NELL1: variants seen among roughly 807,000 people sequenced by gnomAD.
The protein encoded by NELL1 is protein kinase C-binding protein NELL1.
Under a neutral mutation model 107.4 loss-of-function variants are expected in NELL1, and 76 were observed. The ratio of observed to expected loss-of-function variants is 0.71; its 90% CI spans 0.59 to 0.86. The LOEUF (loss-of-function observed/expected upper bound fraction) is 0.86. Ranked by LOEUF, NELL1 falls within the 40% of genes least tolerant of loss-of-function variation. The probability of loss-of-function intolerance (pLI) is 0.00; values close to 1 mark genes in which losing one functional copy is unlikely to be tolerated. For missense variants in NELL1, 1,024 were observed against 1,005.5 expected (o/e 1.02, Z -0.25); for synonymous variants, 353 against 341.2 (o/e 1.03, Z -0.38).
chr11:21,006,272 C>G lies in NELL1; in HGVS notation c.1300+45712C>G, dbSNP rs536776945. Among the ~76,000 whole-genome samples the G allele has an allele frequency of 9.2e-5, 14 of 152,120 alleles. 1 individual carries two copies. The South Asian group carries it at 2.7e-3, about 29-fold the overall frequency. ...GGGGATCCCATGATGGGACTGGTGGCTCTATAAGAAGGGGAAGAGGGACCC... is the reference window on the plus strand; with the variant it reads ...GGGGATCCCATGATGGGACTGGTGGGTCTATAAGAAGGGGAAGAGGGACCC... On this transcript the variant is annotated intron_variant, in intron 12 of 19. Coordinates refer to ENST00000357134, the MANE Select transcript of NELL1 (RefSeq NM_006157.5).
intron 15 of NELL1, among the ~76,000 whole-genome samples, chr11:21,458,477 A>G (rs1355564595): frequency 6.6e-6 from 1 of 152,186 alleles, no homozygotes; most frequent in Admixed American, 6.5e-5. Flanking sequence ...ATGCTGAACA[A>G]AGAAGGCACA....
chr11:20,902,228 CA>C (rs376372534), intron 5 of NELL1, among the ~76,000 whole-genome samples: 8 of 146,212 alleles, frequency 5.5e-5, no homozygotes, highest in Admixed American at 6.8e-5. Flanking sequence ...CAACAATTAG[CA>C]AAAAAAAAGT....
chr11:21,326,401 T>C (rs962255333), intron 14 of NELL1, among the ~76,000 whole-genome samples: 2 of 152,044 alleles, frequency 1.3e-5, no homozygotes, highest in African/African-American at 4.8e-5. Context: ...AACTAAAATA[T>C]TTAAAAGGGT....
At chr11:21,330,062 T>C (rs2133683658) in intron 14 of NELL1, among the ~76,000 whole-genome samples, 1 of 152,256 alleles carries the variant, frequency 6.6e-6, no homozygotes, top group African/African-American at 2.4e-5. Flanking sequence ...TCTTCCTTTT[T>C]TCCTGTGGAT....
rs148510148 is a variant in NELL1, at chr11:20,697,930, G to A, written c.184+19870G>A. On this transcript the variant is annotated intron_variant, in intron 2 of 19. Coordinates refer to ENST00000357134, the MANE Select transcript of NELL1 (RefSeq NM_006157.5). ...ATAGCTGTTAATGCTCAGAAAATCT[G>A]AGTAAGATGGAATTACCCAAAGGGT... 2.6e-5 allele frequency among the ~76,000 whole-genome samples: 4 copies of A among 152,252 alleles called. No homozygotes were observed. In the East Asian group the frequency reaches 7.7e-4, roughly 29 times the overall value.
At chr11:20,837,686 G>A (rs1252697645) in intron 3 of NELL1, among the ~76,000 whole-genome samples, 1 of 152,064 alleles carries the variant, frequency 6.6e-6, no homozygotes, top group African/African-American at 2.4e-5. Context: ...CATGATGGGA[G>A]TAAATCAAAG....
rs1420510915 is a variant in NELL1 at position 21,390,540 on chromosome 11, T to TACACACACACACAC, written c.1645+19592_1645+19593insACACACACACACAC. ...ACACACACACACACACACACACACG[T>TACACACACACACAC]GCGCACGCACCCAAACACTTCCCAT... On this transcript the variant is annotated intron_variant, in intron 15 of 19. Transcript: ENST00000357134. Among the ~76,000 whole-genome samples, 839 of 145,250 alleles carry TACACACACACACAC rather than the reference T, an allele frequency of 5.8e-3. 6 individuals carry two copies. Among genetic ancestry groups the TACACACACACACAC allele is most frequent in the East Asian group, 0.046 (228 of 4,990 alleles).
chr11:21,022,776 A>ACC (rs1049322387), intron 12 of NELL1, among the ~76,000 whole-genome samples: 6 of 152,154 alleles, frequency 3.9e-5, no homozygotes, highest in Non-Finnish European at 7.4e-5. Flanking sequence ...TAAACTGAAC[A>ACC]CAAAGTTATC....
intron 15 of NELL1, among the ~76,000 whole-genome samples, chr11:21,503,652 A>G (rs908378744): frequency 6.6e-6 from 1 of 152,154 alleles, no homozygotes; most frequent in East Asian, 1.9e-4. Context: ...GGTAATAGGT[A>G]ATTATTTACA....
intron 3 of NELL1, among the ~76,000 whole-genome samples, chr11:20,786,286 G>T (rs1856953985): frequency 6.6e-6 from 1 of 150,778 alleles, no homozygotes; most frequent in Non-Finnish European, 1.5e-5. Flanking sequence ...GGAGGCTGAG[G>T]TTGCAGTGAG....
intron 5 of NELL1, among the ~76,000 whole-genome samples, chr11:20,908,899 C>A (rs1850064959): frequency 6.6e-6 from 1 of 152,038 alleles, no homozygotes; most frequent in Non-Finnish European, 1.5e-5. Flanking sequence ...CAGCCTTATT[C>A]AAAATACACA....
At position 21,309,260 on chromosome 11, in the gene NELL1, GTATATATATATATATATATGTA is replaced by G. The variant is rs1248156486; in HGVS notation, c.1550-61575_1550-61554del. On this transcript the variant is annotated intron_variant, in intron 14 of 19. Transcript: ENST00000357134. ...AAAAACCCACTCTAAATATATATAT[GTATATATATATATATATATGTA>G]TATATATATATATATATGTATATAT... Among the ~76,000 whole-genome samples, 326 of 99,656 alleles carry G rather than the reference GTATATATATATATATATATGTA, an allele frequency of 3.3e-3. 2 individuals carry two copies. The highest frequency in any genetic ancestry group is 4.8e-3 in the Non-Finnish European group (253 of 52,334). 65.4% of individuals were successfully genotyped at this position (99,656 alleles called of 152,430 possible). A position where few individuals can be genotyped will look rare whatever the true frequency, so the allele number is the denominator to read the frequency against.
chr11:20,745,744 G>A (rs1176621152), intron 2 of NELL1, among the ~76,000 whole-genome samples: 7 of 152,150 alleles, frequency 4.6e-5, no homozygotes, highest in African/African-American at 1.7e-4. Context: ...CTACCACTGG[G>A]TGTGGGCCAC....
At chr11:20,922,896 T>G (rs16907040) in intron 7 of NELL1, among the ~76,000 whole-genome samples, 6,454 of 152,260 alleles carry the variant, frequency 0.042, 196 homozygotes, top group East Asian at 0.1. Context: ...AAATGAGGTT[T>G]GTTGCACGGC....
intron 2 of NELL1, among the ~76,000 whole-genome samples, chr11:20,736,833 C>G (rs1213251241): frequency 6.7e-6 from 1 of 149,966 alleles, no homozygotes; most frequent in Non-Finnish European, 1.5e-5. Context: ...CAGCTCACTA[C>G]AACCTCTTCC....
intron 15 of NELL1, among the ~76,000 whole-genome samples, chr11:21,390,651 G>T (rs1851853955): frequency 1.3e-5 from 2 of 151,612 alleles, no homozygotes; most frequent in Admixed American, 6.6e-5. Context: ...CTATGAAGTT[G>T]GCTATTATTA....
chr11:21,194,134 A>T (rs372495268), intron 13 of NELL1, among the ~76,000 whole-genome samples: 1 of 151,754 alleles, frequency 6.6e-6, no homozygotes, highest in Admixed American at 6.6e-5. Context: ...AGACTCATGG[A>T]TTCTCATAAT....
intron 1 of NELL1, among the ~76,000 whole-genome samples, chr11:20,676,669 A>T (rs1202296061): frequency 6.6e-6 from 1 of 152,190 alleles, no homozygotes; most frequent in African/African-American, 2.4e-5. Context: ...AAGAGTAAGG[A>T]AAGAGTAGAT....
At chr11:20,724,624 G>GTCCA (rs1855467860) in intron 2 of NELL1, among the ~76,000 whole-genome samples, 1 of 152,042 alleles carries the variant, frequency 6.6e-6, no homozygotes, top group Admixed American at 6.6e-5. Context: ...GGACTTCATT[G>GTCCA]TCCATATCAT....
Sources: allele counts gnomAD v4.1 joint callset (sites outside exome capture counted in the v4.1 genomes callset), GRCh38; gene constraint gnomAD v4.1.1; transcripts MANE v1.5; gene names NCBI Gene and HGNC (gene_info 2026-07-23, HGNC 2026-07-21).